FSTL4: variants seen among roughly 807,000 people sequenced by gnomAD.
FSTL4 encodes follistatin-related protein 4.
In FSTL4, 28 loss-of-function variants were observed where a neutral mutation model predicts 78.2. The observed-to-expected ratio is 0.36, with a 90% CI of 0.27 to 0.49. The LOEUF is 0.49. Ranked by LOEUF, FSTL4 falls within the 20% of genes least tolerant of loss-of-function variation. The pLI is 0.98. For synonymous variants in FSTL4, 422 were observed against 440.5 expected, an observed-to-expected ratio of 0.96 and a Z score of 0.53; for missense variants, 922 against 1,084.9, an observed-to-expected ratio of 0.85 and a Z score of 2.11.
chr5:133,349,295 CTGTGTGTG>C (rs1554107119), intron 4 of FSTL4, among the ~76,000 whole-genome samples: 2,073 of 139,762 alleles, frequency 0.015, 47 homozygotes, highest in African/African-American at 0.052. Flanking sequence ...GCCTCTCTCT[CTGTGTGTG>C]TGTGTGTGTG....
At chr5:133,262,346 G>C (rs1227794125) in intron 6 of FSTL4, among the ~76,000 whole-genome samples, 2 of 152,182 alleles carry the variant, frequency 1.3e-5, no homozygotes, top group East Asian at 3.8e-4. Flanking sequence ...CTTTACACAG[G>C]CTGCACACTT....
chr5:133,278,497 C>T (rs898796801), intron 6 of FSTL4, among the ~76,000 whole-genome samples: 2 of 152,230 alleles, frequency 1.3e-5, no homozygotes, highest in South Asian at 4.1e-4. Context: ...CTGATACCAG[C>T]GTATGCTTCC....
At chr5:133,422,615 C>T (rs778191478) in intron 3 of FSTL4, among the ~76,000 whole-genome samples, 2 of 151,772 alleles carry the variant, frequency 1.3e-5, no homozygotes, top group Admixed American at 6.6e-5. Context: ...ATGGCTATTA[C>T]GTGTCTAAGT....
At chr5:133,395,056 C>T (rs940705153) in intron 4 of FSTL4, among the ~76,000 whole-genome samples, 2 of 152,080 alleles carry the variant, frequency 1.3e-5, no homozygotes, top group Non-Finnish European at 2.9e-5. Flanking sequence ...CAAAATGGAC[C>T]AATCAGCGCT....
At chr5:133,340,035 G>A (rs192606211) in intron 4 of FSTL4, among the ~76,000 whole-genome samples, 3 of 152,302 alleles carry the variant, frequency 2.0e-5, no homozygotes, top group Admixed American at 6.5e-5. Context: ...AGGATAGGCC[G>A]GAGGGCGTGG....
intron 3 of FSTL4, among the ~76,000 whole-genome samples, chr5:133,472,217 G>C (rs764103039): frequency 6.6e-6 from 1 of 152,092 alleles, no homozygotes; most frequent in Non-Finnish European, 1.5e-5. Flanking sequence ...TTTCAACCTG[G>C]AATTCTATAT....
intron 3 of FSTL4, among the ~76,000 whole-genome samples, chr5:133,461,172 A>G (rs1205523907): frequency 6.6e-6 from 1 of 152,162 alleles, no homozygotes; most frequent in East Asian, 1.9e-4. Context: ...CAAATCACTT[A>G]CTCAAATTCC....
chr5:133,555,913 G>A (rs554408542), intron 3 of FSTL4, among the ~76,000 whole-genome samples: 75 of 152,144 alleles, frequency 4.9e-4, no homozygotes, highest in Non-Finnish European at 8.5e-4. Context: ...TTAGTAAAGC[G>A]AATAGACTGA....
the FSTL4 span, chr5:133,720,515 C>T: frequency 6.5e-6 from 1 of 153,708 alleles, no homozygotes; most frequent in Non-Finnish European, 1.5e-5. Flanking sequence ...TGAAGAAGTT[C>T]TGTAATTAGT....
chr5:133,327,348 AAG>A (rs1368168399), intron 4 of FSTL4, among the ~76,000 whole-genome samples: 2 of 152,196 alleles, frequency 1.3e-5, no homozygotes, highest in African/African-American at 4.8e-5. Context: ...GCTGCATTTT[AAG>A]AGTCTGCTGA....
chr5:133,674,910 G>T, the FSTL4 span, among the ~76,000 whole-genome samples: 2 of 152,198 alleles, frequency 1.3e-5, no homozygotes, highest in Non-Finnish European at 1.5e-5. Flanking sequence ...CAATGCACTT[G>T]TATTGAGTTC....
At chr5:133,727,707 T>C in the FSTL4 span, among the ~76,000 whole-genome samples, 1 of 152,172 alleles carries the variant, frequency 6.6e-6, no homozygotes, top group East Asian at 1.9e-4. Flanking sequence ...CCTGGAACCA[T>C]TCCACACTAG....
chr5:133,618,188 CAA>C, the FSTL4 span, among the ~76,000 whole-genome samples: 2 of 152,024 alleles, frequency 1.3e-5, no homozygotes, highest in African/African-American at 4.8e-5. Context: ...TAACATATAA[CAA>C]TATATTATAA....
chr5:133,215,136 C>T (rs1251401810), intron 13 of FSTL4, among the ~76,000 whole-genome samples: 2 of 152,200 alleles, frequency 1.3e-5, no homozygotes, highest in Non-Finnish European at 2.9e-5. Context: ...CTCATCACAG[C>T]ACAACTCCCT....
At chr5:133,807,744 T>C in the FSTL4 span, among the ~76,000 whole-genome samples, 1 of 152,192 alleles carries the variant, frequency 6.6e-6, no homozygotes, top group Non-Finnish European at 1.5e-5. Context: ...CAGTGGGTCA[T>C]GTCCTCTCAC....
chr5:133,316,981 C>T (rs560049579), intron 4 of FSTL4, among the ~76,000 whole-genome samples: 3 of 152,286 alleles, frequency 2.0e-5, no homozygotes, highest in Admixed American at 6.5e-5. Flanking sequence ...GAATATATAG[C>T]GGCAGCCCCA....
chr5:133,497,570 T>C, intron 3 of FSTL4, among the ~76,000 whole-genome samples: 1 of 152,122 alleles, frequency 6.6e-6, no homozygotes, highest in East Asian at 1.9e-4. Context: ...TTCTGGGACA[T>C]CAGATCCTGA....
chr5:133,732,899 C>T, the FSTL4 span, among the ~76,000 whole-genome samples: 24 of 152,308 alleles, frequency 1.6e-4, no homozygotes, highest in Admixed American at 9.1e-4. Context: ...TGGATGCTGC[C>T]GGCTTTGACT....
chr5:133,341,407 G>C (rs960267063), intron 4 of FSTL4, among the ~76,000 whole-genome samples: 26 of 152,132 alleles, frequency 1.7e-4, no homozygotes, highest in African/African-American at 5.3e-4. Context: ...GTTGGGCTCA[G>C]CGGCTGGCTC....
Sources: allele counts gnomAD v4.1 joint callset (sites outside exome capture counted in the v4.1 genomes callset), GRCh38; gene constraint gnomAD v4.1.1; transcripts MANE v1.5; gene names NCBI Gene and HGNC (gene_info 2026-07-23, HGNC 2026-07-21).